Variants in PMS1 observed in about 807,000 individuals in gnomAD.
PMS1 encodes the protein PMS1 homolog 1, mismatch repair system component.
A neutral mutation model predicts 93.1 loss-of-function variants in PMS1; 79 were observed. That is an observed-to-expected ratio of 0.85 (90% CI 0.71 to 1.02). The LOEUF is 1.02. Among genes scored for constraint, PMS1 ranks in the 50% least tolerant of loss-of-function variants. PMS1 has a pLI of 0.00. For synonymous variants in PMS1, 335 were observed against 363.4 expected, an observed-to-expected ratio of 0.92 and a Z score of 0.89; for missense variants, 1,064 against 1,085.3, an observed-to-expected ratio of 0.98 and a Z score of 0.28.
chr2:189,820,230 A>T (rs1440198264), intron 5 of PMS1, among the ~76,000 whole-genome samples: 1 of 152,200 alleles, frequency 6.6e-6, no homozygotes, highest in Non-Finnish European at 1.5e-5. Context: ...TTGTTGTGCG[A>T]CTAGTAAATT....
At chr2:189,855,842 A>C in intron 9 of PMS1, 1 of 1,074,004 alleles carries the variant, frequency 9.3e-7, no homozygotes, top group South Asian at 1.9e-5. Context: ...ACTTAATATA[A>C]ACACAAAATA....
At chr2:189,845,822 C>T (rs759629421) in intron 6 of PMS1, among the ~76,000 whole-genome samples, 78 of 152,054 alleles carry the variant, frequency 5.1e-4, no homozygotes, top group Non-Finnish European at 1.0e-4. Context: ...CTTCTGCTTC[C>T]GAGGTTCAAA....
chr2:189,790,686 A>G (rs375906358), intron 1 of PMS1, among the ~76,000 whole-genome samples: 3 of 152,210 alleles, frequency 2.0e-5, no homozygotes, highest in African/African-American at 7.2e-5. Context: ...TTAGCATACT[A>G]TATATTTAAT....
chr2:189,829,231 T>C (rs1415724691), intron 5 of PMS1, among the ~76,000 whole-genome samples: 1 of 152,188 alleles, frequency 6.6e-6, no homozygotes, highest in East Asian at 1.9e-4. Flanking sequence ...AAAGTTACGA[T>C]GTAAATGAGG....
intron 5 of PMS1, 83 bp downstream of exon 5, chr2:189,818,263 C>G: frequency 1.1e-6 from 1 of 907,868 alleles, no homozygotes; most frequent in Non-Finnish European, 1.7e-6. Flanking sequence ...TAGATATGGG[C>G]TATGACTAAA....
rs1485043880 is a variant in PMS1, at chr2:189,846,539, C to G, written c.699+2459C>G. Among the ~76,000 whole-genome samples the G allele has an allele frequency of 6.6e-5, 10 of 150,586 alleles. 1 individual carries two copies. The East Asian group carries it at 1.6e-3, about 25-fold the overall frequency. On this transcript the variant is annotated intron_variant, in intron 6 of 12. Coordinates refer to ENST00000441310, the MANE Select transcript of PMS1 (RefSeq NM_000534.5). ...AAAAAAAAAAAACAAACTAGTCAAG[C>G]ATGGTAGTACGTGCCTGTAGTCCCA...
At position 189,830,053 on chromosome 2, in the gene PMS1, A is replaced by C. The variant is rs564412163; in HGVS notation, c.582+11873A>C. ...GTAAAATCAAAGCCTTTATAAGCGG[A>C]CTGTGAATTCTCTATTGGGGTCAGT... On this transcript the variant is annotated intron_variant, in intron 5 of 12. Transcript: ENST00000441310. Among the ~76,000 whole-genome samples the C allele has an allele frequency of 1.2e-3, 182 of 152,266 alleles. 2 individuals carry two copies. Among genetic ancestry groups the C allele is most frequent in the African/African-American group, 4.3e-3 (177 of 41,544 alleles).
intron 5 of PMS1, among the ~76,000 whole-genome samples, chr2:189,835,354 G>A (rs565397188): frequency 1.3e-5 from 2 of 152,236 alleles, no homozygotes; most frequent in East Asian, 3.9e-4. Flanking sequence ...GTAGAATGTG[G>A]TTTGTTCTTT....
In PMS1 at chr2:189,854,270, T is replaced by C; in HGVS notation, c.998T>C (p.Met333Thr). Residue 333 changes from methionine to threonine, a missense_variant, in exon 9 of 13, where the codon ATG (methionine) becomes ACG (threonine). Met to Thr is a moderately conservative substitution (Grantham distance 81, BLOSUM62 -1). Transcript: ENST00000441310. ...GTTTTAATTGCTCTTGAAAATCTGATGACGACTTGTTATGGACCATTACCT... is the reference window on the plus strand; with the variant it reads ...GTTTTAATTGCTCTTGAAAATCTGACGACGACTTGTTATGGACCATTACCT... ...ESVLIALENL[M>T]TTCYGPLPST... The C allele has an allele frequency of 6.3e-7, 1 of 1,595,224 alleles. No homozygotes were observed. The highest frequency in any genetic ancestry group is 1.2e-5 in the South Asian group (1 of 85,276).
chr2:189,845,529 G>A (rs2054183163), intron 6 of PMS1, among the ~76,000 whole-genome samples: 1 of 151,740 alleles, frequency 6.6e-6, no homozygotes, highest in Non-Finnish European at 1.5e-5. Context: ...CCAACTCTTA[G>A]TCATCCTAAC....
intron 4 of PMS1, among the ~76,000 whole-genome samples, chr2:189,810,492 C>T (rs1422484247): frequency 1.3e-5 from 2 of 152,094 alleles, no homozygotes; most frequent in Admixed American, 6.5e-5. Context: ...TTTTATGGTA[C>T]AAGGAGAAAC....
intron 4 of PMS1, among the ~76,000 whole-genome samples, chr2:189,808,237 G>A (rs999333797): frequency 5.3e-5 from 8 of 151,924 alleles, no homozygotes; most frequent in African/African-American, 1.5e-4. Context: ...GATACCTGTG[G>A]GTGGCATAAT....
In PMS1 at chr2:189,864,137, A is replaced by G. The variant is rs899487403; in HGVS notation, c.2251A>G (p.Arg751Gly). The change falls in exon 10 of 13, where the codon AGA (arginine) becomes GGA (glycine). Residue 751 changes from arginine to glycine, a missense_variant. Arg to Gly is a moderately radical substitution (Grantham distance 125, BLOSUM62 -2). Coordinates refer to ENST00000441310, the MANE Select transcript of PMS1 (RefSeq NM_000534.5). The part of the protein sequence containing the change: ...KTEVMLLNPY[R>G]VEEALLFKRL... ...AGAGGTAATGTTATTAAATCCATAT[A>G]GAGTAGAAGAAGCCCTGCTATTTAA... 2 of 1,612,270 alleles carry G rather than the reference A, an allele frequency of 1.2e-6. No homozygotes were observed. Among genetic ancestry groups the G allele is most frequent in the Admixed American group, 1.7e-5 (1 of 59,970 alleles).
chr2:189,869,224 A>G lies in PMS1; in HGVS notation c.2473+1295A>G, dbSNP rs148279511. Among the ~76,000 whole-genome samples, 15 of 152,332 alleles carry G rather than the reference A, an allele frequency of 9.8e-5. No homozygotes were observed. The East Asian group carries it at 2.9e-3, about 29-fold the overall frequency. ...CAAAATTTAGATATTTACTCCAGGA[A>G]GTATTGGTGAGCATTAACCAAAGTA... On this transcript the variant is annotated intron_variant, in intron 11 of 12. Coordinates refer to ENST00000441310, the MANE Select transcript of PMS1 (RefSeq NM_000534.5).
chr2:189,875,821 T>C (rs762753823), intron 12 of PMS1, among the ~76,000 whole-genome samples: 1 of 151,492 alleles, frequency 6.6e-6, no homozygotes, highest in South Asian at 2.1e-4. Context: ...GGTGTGGTGG[T>C]GCGCACCTGT....
At chr2:189,842,461 G>C (rs550436397) in intron 5 of PMS1, among the ~76,000 whole-genome samples, 1 of 152,160 alleles carries the variant, frequency 6.6e-6, no homozygotes, top group Non-Finnish European at 1.5e-5. Context: ...ATTGGACCTT[G>C]TTGAACTGAA....
At position 189,855,145 on chromosome 2, in the gene PMS1, T is replaced by G. The variant is rs766467505; in HGVS notation, c.1856+17T>G. The G allele has an allele frequency of 2.2e-5, 36 of 1,602,578 alleles. No homozygotes were observed. The highest frequency in any genetic ancestry group is 1.7e-4 in the Admixed American group (10 of 59,946). ...AAAACTGAAGTAAGTTTCCAGAGCT[T>G]GCATGTGACTTGAATGTTCAGCTAT... On this transcript the variant is annotated intron_variant, in intron 9 of 12. Coordinates refer to ENST00000441310, the MANE Select transcript of PMS1 (RefSeq NM_000534.5).
chr2:189,832,611 G>A lies in PMS1; in HGVS notation c.583-11353G>A, dbSNP rs549463045. On this transcript the variant is annotated intron_variant, in intron 5 of 12. Transcript: ENST00000441310. The stretch of plus-strand genomic sequence containing the variant: ...CTCCCGGGTAGCTGGGACTACAGGC[G>A]CGTGCCACCATGCCCAGCTAATTTT... Among the ~76,000 whole-genome samples, 10 of 152,146 alleles carry A rather than the reference G, an allele frequency of 6.6e-5. No individual in the cohort carries two copies. The South Asian group carries it at 1.2e-3, about 19-fold the overall frequency.
intron 4 of PMS1, chr2:189,806,972 G>C (rs2050402467): frequency 5.0e-6 from 1 of 200,446 alleles, no homozygotes; most frequent in Non-Finnish European, 1.0e-5. Context: ...CCTCATTGCA[G>C]TTTATCAAAG....
Sources: allele counts gnomAD v4.1 joint callset (sites outside exome capture counted in the v4.1 genomes callset), GRCh38; gene constraint gnomAD v4.1.1; transcripts MANE v1.5; gene names NCBI Gene and HGNC (gene_info 2026-07-23, HGNC 2026-07-21).